KLHL23: variants seen among roughly 807,000 people sequenced by gnomAD.
The protein encoded by KLHL23 is kelch like family member 23.
Under a neutral mutation model 48.9 loss-of-function variants are expected in KLHL23, and 33 were observed. That is an observed-to-expected ratio of 0.67 (90% CI 0.51 to 0.90). The LOEUF is 0.90. Ranked by LOEUF, KLHL23 falls within the 40% of genes least tolerant of loss-of-function variation. KLHL23 has a pLI of 0.00. For missense variants in KLHL23, 608 were observed against 669.6 expected, an observed-to-expected ratio of 0.91 and a Z score of 1.02; for synonymous variants, 234 against 231.6, an observed-to-expected ratio of 1.01 and a Z score of -0.09.
At chr2:169,747,766 TGC>T (rs1688830193) in intron 3 of KLHL23, among the ~76,000 whole-genome samples, 1 of 152,176 alleles carries the variant, frequency 6.6e-6, no homozygotes, top group Non-Finnish European at 1.5e-5. Flanking sequence ...GCCAGACAGT[TGC>T]CATTCTCCAA....
chr2:169,736,852 G>A (rs530691130), intron 2 of KLHL23, among the ~76,000 whole-genome samples: 28 of 152,188 alleles, frequency 1.8e-4, no homozygotes, highest in Non-Finnish European at 5.9e-5. Context: ...TGGTGCTGAG[G>A]AGTTGTACAA....
chr2:169,739,703 G>A (rs1177685518), intron 2 of KLHL23, among the ~76,000 whole-genome samples: 3 of 152,040 alleles, frequency 2.0e-5, no homozygotes, highest in Non-Finnish European at 2.9e-5. Context: ...TATATCTAGT[G>A]TTCTAATTAC....
intron 2 of KLHL23, among the ~76,000 whole-genome samples, 175 bp downstream of exon 2, chr2:169,736,402 T>G (rs963457539): frequency 6.6e-6 from 1 of 152,204 alleles, no homozygotes; most frequent in Non-Finnish European, 1.5e-5. Flanking sequence ...TCCCAACTTG[T>G]CTGAGAGTTA....
chr2:169,748,980 G>C (rs1466352620), intron 3 of KLHL23, among the ~76,000 whole-genome samples: 1 of 152,202 alleles, frequency 6.6e-6, no homozygotes, highest in Non-Finnish European at 1.5e-5. Flanking sequence ...ACCTGTGACA[G>C]CAGGCATGCC....
At position 169,743,827 on chromosome 2, in the gene KLHL23, A is replaced by G. The variant is rs1338425534; in HGVS notation, c.1366+2290A>G. ...TGCTCAGCTAGTCTGTTAAATCCTT[A>G]AGCTCTTGAAGGCTGTGCATCTGCA... On this transcript the variant is annotated intron_variant, in intron 3 of 3. Transcript: ENST00000392647. Among the ~76,000 whole-genome samples, 5 of 152,278 alleles carry G rather than the reference A, an allele frequency of 3.3e-5. No homozygotes were observed. In the East Asian group the frequency reaches 9.6e-4, roughly 29 times the overall value.
rs777114248 is a variant in KLHL23 at position 169,735,160 on chromosome 2, A to G, written c.146A>G (p.His49Arg). ...TLQCPSGIIFHCHRAVLAACS... is the reference protein window; with the variant it reads ...TLQCPSGIIFRCHRAVLAACS... ...CAGTGTCCTTCAGGCATAATTTTCC[A>G]TTGTCACCGAGCCGTTTTAGCTGCT... The change falls in exon 2 of 4, where the codon CAT becomes CGT. Residue 49 changes from histidine (H) to arginine (R), a missense_variant. Physicochemically the swap from His to Arg is conservative, Grantham distance 29 (BLOSUM62 0). Coordinates refer to ENST00000392647, the MANE Select transcript of KLHL23 (RefSeq NM_144711.6). This position sits in a 1 kb window ranked among gnomAD's most constrained non-coding sequence, Gnocchi z 4.5. 11 of 1,613,282 alleles carry G rather than the reference A, an allele frequency of 6.8e-6. No individual in the cohort carries two copies. The highest frequency in any genetic ancestry group is 1.1e-5 in the South Asian group (1 of 90,700).
In KLHL23 at chr2:169,735,386, G is replaced by C; in HGVS notation, c.372G>C (p.Lys124Asn). The C allele has an allele frequency of 6.2e-7, 1 of 1,613,166 alleles. No individual in the cohort carries two copies. Among genetic ancestry groups the C allele is most frequent in the Non-Finnish European group, 8.5e-7 (1 of 1,179,842 alleles). Residue 124 changes from lysine (K) to asparagine (N), a missense_variant, in exon 2 of 4, where the codon AAG becomes AAC. Coordinates refer to ENST00000392647, the MANE Select transcript of KLHL23 (RefSeq NM_144711.6). The surrounding 1 kb of genome is among the most constrained non-coding windows in gnomAD (Gnocchi z 4.5). ...TGCTACAGTTCCTTTCAGTAAAGAA[G>C]GCTTGTGAGCGGTTTTTGGTAAGGC... ...ADLLQFLSVK[K>N]ACERFLVRHL...
At chr2:169,736,956 G>A (rs75020763) in intron 2 of KLHL23, among the ~76,000 whole-genome samples, 102 of 152,330 alleles carry the variant, frequency 6.7e-4, no homozygotes, top group Non-Finnish European at 1.2e-3. Context: ...TAGTGAGAGT[G>A]TGGGAATTTG....
intron 3 of KLHL23, among the ~76,000 whole-genome samples, chr2:169,743,003 A>T (rs1454242534): frequency 6.6e-6 from 1 of 152,202 alleles, no homozygotes; most frequent in Admixed American, 6.5e-5. Context: ...GGTCAAAGAG[A>T]TTATATAAAT....
In KLHL23 at chr2:169,749,957, A is replaced by C; in HGVS notation, c.*225A>C. The C allele has an allele frequency of 2.0e-5, 2 of 101,016 alleles. No individual in the cohort carries two copies. The highest frequency in any genetic ancestry group is 1.8e-4 in the South Asian group (1 of 5,604). 6.3% of individuals were successfully genotyped at this position (101,016 alleles called of 1,614,324 possible). On this transcript the variant is annotated 3_prime_UTR_variant, in exon 4 of 4. Coordinates refer to ENST00000392647, the MANE Select transcript of KLHL23 (RefSeq NM_144711.6). ...CACACACACATATATGTGTTCATAT[A>C]TATGTATACATATATATGTGTATAT... is the stretch of plus-strand genomic sequence containing the variant.
At chr2:169,740,110 T>C (rs1688637131) in intron 2 of KLHL23, among the ~76,000 whole-genome samples, 1 of 152,152 alleles carries the variant, frequency 6.6e-6, no homozygotes, top group Non-Finnish European at 1.5e-5. Flanking sequence ...TGTACACTAC[T>C]GTAGACTTTT....
intron 2 of KLHL23, 65 bp from the exon 3 acceptor site, chr2:169,741,319 GC>G (rs1239268127): frequency 2.3e-5 from 36 of 1,539,436 alleles, no homozygotes; most frequent in Non-Finnish European, 2.8e-5. Context: ...AATAAATTTA[GC>G]CCAGGGTTCA....
At chr2:169,737,613 C>G (rs1008588392) in intron 2 of KLHL23, among the ~76,000 whole-genome samples, 3 of 143,908 alleles carry the variant, frequency 2.1e-5, no homozygotes, top group African/African-American at 7.7e-5. Context: ...ATTTCTTTTT[C>G]TTTTTCTTTT....
intron 3 of KLHL23, among the ~76,000 whole-genome samples, chr2:169,746,650 CACA>C (rs1688799056): frequency 6.6e-6 from 1 of 152,092 alleles, no homozygotes; most frequent in African/African-American, 2.4e-5. Flanking sequence ...AGTTCCTATC[CACA>C]ACAATAGAAC....
rs1188890374 is a variant in KLHL23, at chr2:169,736,164, G to A, written c.1150G>A (p.Glu384Lys). The A allele has an allele frequency of 6.2e-7, 1 of 1,614,094 alleles. No individual in the cohort carries two copies. ...TGGTTACAGAAAAGGGGCTCCAGCA[G>A]AAGAGGCTGAGTTCTATGATCCTTT... ...LGGYRKGAPA[E>K]EAEFYDPLKE... is the part of the protein sequence containing the mutation. The change falls in exon 2 of 4, where the codon GAA (glutamate) becomes AAA (lysine). Residue 384 changes from glutamate (E) to lysine (K), a missense_variant. By Grantham distance (56) the Glu-to-Lys change is moderately conservative. Transcript: ENST00000392647.
chr2:169,744,943 GTT>G (rs34081026), intron 3 of KLHL23, among the ~76,000 whole-genome samples: 3 of 142,522 alleles, frequency 2.1e-5, no homozygotes, highest in Non-Finnish European at 1.5e-5. Flanking sequence ...TTTGTTTTTT[GTT>G]TTTTTTTTTT....
At chr2:169,748,771 GCCCCCCCC>G (rs397937181) in intron 3 of KLHL23, among the ~76,000 whole-genome samples, 2 of 110,266 alleles carry the variant, frequency 1.8e-5, no homozygotes, top group Admixed American at 1.8e-4. Flanking sequence ...GAGGAGGACC[GCCCCCCCC>G]CCCCCCCATA....
In KLHL23 at chr2:169,749,475, C is replaced by CA; in HGVS notation, c.1423dup (p.Thr475AsnfsTer8). 1 of 1,613,926 alleles carries CA rather than the reference C, an allele frequency of 6.2e-7. No individual in the cohort carries two copies. The highest frequency in any genetic ancestry group is 8.5e-7 in the Non-Finnish European group (1 of 1,179,938). ...AAATAAGCTCTATCTAGTCGGCGGACAAACTACAATCACAGAATGCTATGA... is the reference window on the plus strand; with the variant it reads ...AAATAAGCTCTATCTAGTCGGCGGACAAAACTACAATCACAGAATGCTATGA... On this transcript the variant is annotated frameshift_variant, in exon 4 of 4. Transcript: ENST00000392647. LOFTEE classifies it high-confidence loss of function.
At chr2:169,743,112 C>T (rs769260688) in intron 3 of KLHL23, among the ~76,000 whole-genome samples, 1 of 152,064 alleles carries the variant, frequency 6.6e-6, no homozygotes, top group Non-Finnish European at 1.5e-5. Context: ...CTCATGTTAC[C>T]CTTAGAAGTT....
Sources: gnomAD v4.1 joint callset for allele counts (sites outside exome capture counted in the v4.1 genomes callset) on GRCh38, gnomAD v4.1.1 for gene constraint, Gnocchi (gnomAD v3.1) non-coding constraint, MANE v1.5 for transcripts, NCBI Gene and HGNC (gene_info 2026-07-23, HGNC 2026-07-21) for gene names.